TTC28: variants seen among roughly 807,000 people sequenced by gnomAD.
TTC28 encodes the protein tetratricopeptide repeat protein 28.
A neutral mutation model predicts 198.0 loss-of-function variants in TTC28; 61 were observed. The observed-to-expected ratio is 0.31, with a 90% CI of 0.25 to 0.38. The LOEUF (loss-of-function observed/expected upper bound fraction) is 0.38, where lower values mean the gene tolerates loss of function less well. Among genes scored for constraint, TTC28 ranks in the 10% least tolerant of loss-of-function variants. TTC28 has a pLI of 1.00. For synonymous variants in TTC28, 1,171 were observed against 1,297.8 expected, an observed-to-expected ratio of 0.90 and a Z score of 2.10; for missense variants, 2,678 against 3,164.0, an observed-to-expected ratio of 0.85 and a Z score of 3.69.
intron 6 of TTC28, among the ~76,000 whole-genome samples, chr22:28,120,938 AT>A (rs1942769445): frequency 6.6e-6 from 1 of 152,214 alleles, no homozygotes; most frequent in African/African-American, 2.4e-5. Context: ...AAAACAAGTG[AT>A]TCACATATTC....
At chr22:28,347,717 C>A (rs892308752) in intron 2 of TTC28, among the ~76,000 whole-genome samples, 5 of 152,084 alleles carry the variant, frequency 3.3e-5, no homozygotes, top group Non-Finnish European at 5.9e-5. Flanking sequence ...ACCAAAAATA[C>A]AAAAATTAGC....
intron 13 of TTC28, among the ~76,000 whole-genome samples, chr22:28,020,302 C>T (rs890383290): frequency 1.3e-5 from 2 of 152,240 alleles, no homozygotes; most frequent in African/African-American, 2.4e-5. Flanking sequence ...ATCTTCTCAC[C>T]TCACTCTGTC....
chr22:28,424,216 A>C (rs1454040149), intron 2 of TTC28, among the ~76,000 whole-genome samples: 1 of 152,188 alleles, frequency 6.6e-6, no homozygotes, highest in Non-Finnish European at 1.5e-5. Context: ...ATAACACTTT[A>C]CACTCCCACA....
intron 2 of TTC28, among the ~76,000 whole-genome samples, chr22:28,605,787 T>C (rs1293195127): frequency 1.3e-5 from 2 of 152,166 alleles, no homozygotes; most frequent in Admixed American, 6.6e-5. Flanking sequence ...AATAAGCACA[T>C]TGCAAATCTA....
intron 1 of TTC28, among the ~76,000 whole-genome samples, chr22:28,630,100 C>T (rs1035169079): frequency 1.3e-5 from 2 of 152,130 alleles, no homozygotes; most frequent in African/African-American, 2.4e-5. Flanking sequence ...CTCTCTCTCT[C>T]TTGCTTCCTC....
intron 2 of TTC28, among the ~76,000 whole-genome samples, chr22:28,614,548 A>C (rs1293863325): frequency 6.6e-6 from 1 of 152,244 alleles, no homozygotes; most frequent in African/African-American, 2.4e-5. Context: ...AAACTATACT[A>C]CAAGGCTACA....
chr22:28,209,431 C>T (rs1926708430), intron 5 of TTC28, among the ~76,000 whole-genome samples: 1 of 152,152 alleles, frequency 6.6e-6, no homozygotes, highest in South Asian at 2.1e-4. Flanking sequence ...TCGGGACATT[C>T]CCACCCTAAT....
At chr22:28,094,313 G>C (rs1397218763) in intron 11 of TTC28, 68 bp from the exon 12 acceptor site, 3 of 1,437,294 alleles carry the variant, frequency 2.1e-6, no homozygotes, top group African/African-American at 2.9e-5. Context: ...GTTGAAGGCA[G>C]GGGACAGGAA....
intron 13 of TTC28, among the ~76,000 whole-genome samples, chr22:28,014,665 C>T (rs537578668): frequency 6.6e-6 from 1 of 152,226 alleles, no homozygotes; most frequent in South Asian, 2.1e-4. Context: ...TCCCTAAGTG[C>T]TGTTCAAAGG....
At chr22:28,555,438 A>G (rs1487509422) in intron 2 of TTC28, among the ~76,000 whole-genome samples, 1 of 152,228 alleles carries the variant, frequency 6.6e-6, no homozygotes, top group Non-Finnish European at 1.5e-5. Flanking sequence ...ATACGGAACC[A>G]GCCCAAATGC....
intron 2 of TTC28, among the ~76,000 whole-genome samples, chr22:28,511,318 C>A (rs1224069711): frequency 6.6e-6 from 1 of 152,042 alleles, no homozygotes; most frequent in Non-Finnish European, 1.5e-5. Flanking sequence ...ACACATAGAC[C>A]AATGGAACAG....
At chr22:28,241,895 A>C (rs996631595) in intron 5 of TTC28, among the ~76,000 whole-genome samples, 1 of 152,148 alleles carries the variant, frequency 6.6e-6, no homozygotes, top group African/African-American at 2.4e-5. Context: ...GTGGTTATAC[A>C]CTAAAAAATA....
At chr22:28,211,549 T>A (rs554768683) in intron 5 of TTC28, among the ~76,000 whole-genome samples, 1 of 152,236 alleles carries the variant, frequency 6.6e-6, no homozygotes, top group African/African-American at 2.4e-5. Flanking sequence ...CATTACATAT[T>A]GCTAAAGGGA....
chr22:28,001,720 C>A, intron 14 of TTC28, 167 bp from the exon 15 acceptor site: 1 of 747,910 alleles, frequency 1.3e-6, no homozygotes, highest in Non-Finnish European at 2.1e-6. Flanking sequence ...CCTGCAGGAG[C>A]GGCACCAACT....
intron 2 of TTC28, among the ~76,000 whole-genome samples, chr22:28,330,687 T>C (rs1025314828): frequency 1.3e-5 from 2 of 152,172 alleles, no homozygotes; most frequent in Non-Finnish European, 2.9e-5. Context: ...AATTTCACCT[T>C]ACATCAAGAC....
At chr22:28,609,481 C>G (rs73170608) in intron 2 of TTC28, among the ~76,000 whole-genome samples, 37 of 151,814 alleles carry the variant, frequency 2.4e-4, no homozygotes, top group African/African-American at 8.9e-4. Flanking sequence ...CACAAGGGGT[C>G]GGGGAATTCC....
At chr22:28,507,910 A>G (rs971991030) in intron 2 of TTC28, among the ~76,000 whole-genome samples, 1 of 152,222 alleles carries the variant, frequency 6.6e-6, no homozygotes, top group Non-Finnish European at 1.5e-5. Context: ...TGAAGGAAGC[A>G]CTAAATATGG....
At chr22:28,204,316 A>G (rs970486355) in intron 5 of TTC28, among the ~76,000 whole-genome samples, 4 of 152,192 alleles carry the variant, frequency 2.6e-5, no homozygotes, top group African/African-American at 9.7e-5. Flanking sequence ...ACTGACACAG[A>G]GAGTAGGGCA....
chr22:28,462,786 A>G (rs1176407718), intron 2 of TTC28, among the ~76,000 whole-genome samples: 1 of 152,186 alleles, frequency 6.6e-6, no homozygotes, highest in African/African-American at 2.4e-5. Context: ...ATGCAACAGA[A>G]TCACCTAGAT....
Sources: allele counts gnomAD v4.1 joint callset (sites outside exome capture counted in the v4.1 genomes callset), GRCh38; gene constraint gnomAD v4.1.1; transcripts MANE v1.5; gene names NCBI Gene and HGNC (gene_info 2026-07-23, HGNC 2026-07-21).